ZFAND3: variants seen among roughly 807,000 people sequenced by gnomAD.
ZFAND3 encodes the protein AN1-type zinc finger protein 3.
Under a neutral mutation model 29.6 loss-of-function variants are expected in ZFAND3, and 10 were observed. The ratio of observed to expected loss-of-function variants is 0.34; its 90% CI spans 0.21 to 0.57. The LOEUF (loss-of-function observed/expected upper bound fraction) is 0.57. ZFAND3 is among the 20% of genes least tolerant of loss of function. The pLI is 0.86. For synonymous variants in ZFAND3, 128 were observed against 112.6 expected, an observed-to-expected ratio of 1.14 and a Z score of -0.87; for missense variants, 230 against 304.5, an observed-to-expected ratio of 0.76 and a Z score of 1.82.
chr6:37,955,435 G>A (rs751741216), intron 2 of ZFAND3, among the ~76,000 whole-genome samples: 9 of 152,112 alleles, frequency 5.9e-5, no homozygotes, highest in Non-Finnish European at 1.2e-4. Flanking sequence ...GTTTACATTG[G>A]CCTTTAGTGA....
chr6:38,085,458 A>G (rs1764739030), intron 4 of ZFAND3, among the ~76,000 whole-genome samples: 1 of 152,240 alleles, frequency 6.6e-6, no homozygotes, highest in Non-Finnish European at 1.5e-5. Flanking sequence ...TCTTTAAGTC[A>G]GCCGTCTCTG....
chr6:37,875,860 G>T (rs957115902), intron 1 of ZFAND3, among the ~76,000 whole-genome samples: 2 of 150,518 alleles, frequency 1.3e-5, no homozygotes, highest in Admixed American at 1.3e-4. Flanking sequence ...TGGTAAAGAT[G>T]AAATCTTACT....
At chr6:38,058,915 G>A (rs937914751) in intron 2 of ZFAND3, among the ~76,000 whole-genome samples, 1 of 152,150 alleles carries the variant, frequency 6.6e-6, no homozygotes, top group Middle Eastern at 3.2e-3. Flanking sequence ...CATCATAAAT[G>A]CTAGCTATTC....
chr6:37,932,906 T>C (rs941031099), intron 2 of ZFAND3, among the ~76,000 whole-genome samples: 9 of 152,248 alleles, frequency 5.9e-5, no homozygotes, highest in African/African-American at 1.9e-4. Flanking sequence ...ACACTACTGC[T>C]TTCTCCAGTT....
At chr6:37,971,613 C>G (rs901847908) in intron 2 of ZFAND3, among the ~76,000 whole-genome samples, 46 of 152,192 alleles carry the variant, frequency 3.0e-4, no homozygotes, top group African/African-American at 1.1e-3. Flanking sequence ...CATATTTTTT[C>G]TCTGCCTTAA....
intron 5 of ZFAND3, among the ~76,000 whole-genome samples, chr6:38,150,855 C>T (rs1031247999): frequency 6.6e-6 from 1 of 152,106 alleles, no homozygotes; most frequent in African/African-American, 2.4e-5. Context: ...GATGCCTGCT[C>T]CAGACAGGGA....
chr6:37,975,010 G>C (rs1039702540), intron 2 of ZFAND3, among the ~76,000 whole-genome samples: 1 of 152,180 alleles, frequency 6.6e-6, no homozygotes, highest in African/African-American at 2.4e-5. Flanking sequence ...GCCTGCAAAT[G>C]AAATGGCTGA....
chr6:38,148,663 T>A, intron 5 of ZFAND3, among the ~76,000 whole-genome samples: 1 of 152,180 alleles, frequency 6.6e-6, no homozygotes, highest in East Asian at 1.9e-4. Context: ...TGTAGTGGTT[T>A]CTGGAAACAG....
intron 1 of ZFAND3, among the ~76,000 whole-genome samples, chr6:37,910,452 A>G (rs1765499196): frequency 6.6e-6 from 1 of 152,194 alleles, no homozygotes; most frequent in Non-Finnish European, 1.5e-5. Context: ...CTAGATTTAA[A>G]AAAAATATTT....
intron 2 of ZFAND3, among the ~76,000 whole-genome samples, chr6:37,934,008 C>T (rs1330795480): frequency 6.6e-6 from 1 of 151,628 alleles, no homozygotes; most frequent in African/African-American, 2.4e-5. Flanking sequence ...CCGCCTCAGC[C>T]TCCCAAGTAG....
intron 1 of ZFAND3, among the ~76,000 whole-genome samples, chr6:37,918,097 T>G (rs1317244707): frequency 6.6e-6 from 1 of 152,040 alleles, no homozygotes; most frequent in South Asian, 2.1e-4. Flanking sequence ...GTTTTTTTGA[T>G]ATGGAGTCTC....
At chr6:37,991,652 T>A (rs1185367160) in intron 2 of ZFAND3, among the ~76,000 whole-genome samples, 1 of 152,170 alleles carries the variant, frequency 6.6e-6, no homozygotes, top group Non-Finnish European at 1.5e-5. Flanking sequence ...AACAGGGAAA[T>A]TTCACTTGCC....
At chr6:38,100,169 T>C (rs1375259729) in intron 4 of ZFAND3, among the ~76,000 whole-genome samples, 1 of 152,180 alleles carries the variant, frequency 6.6e-6, no homozygotes, top group Non-Finnish European at 1.5e-5. Context: ...GTTCAAGTGA[T>C]GCTTCTGCCT....
chr6:37,935,671 A>G (rs1761685706), intron 2 of ZFAND3, among the ~76,000 whole-genome samples: 1 of 152,246 alleles, frequency 6.6e-6, no homozygotes, highest in South Asian at 2.1e-4. Context: ...ATGGGTTATA[A>G]TGTAAATATG....
chr6:37,879,789 C>A (rs1363563548), intron 1 of ZFAND3, among the ~76,000 whole-genome samples: 1 of 152,138 alleles, frequency 6.6e-6, no homozygotes, highest in Non-Finnish European at 1.5e-5. Flanking sequence ...ACACTTGAAA[C>A]CAGATATATC....
At chr6:37,862,911 G>GTT (rs765480016) in intron 1 of ZFAND3, among the ~76,000 whole-genome samples, 2 of 146,592 alleles carry the variant, frequency 1.4e-5, no homozygotes, top group African/African-American at 5.0e-5. Flanking sequence ...ATTTGTTAAC[G>GTT]TTTTTTTTTT....
At chr6:37,904,200 G>A (rs1459888427) in intron 1 of ZFAND3, among the ~76,000 whole-genome samples, 1 of 152,166 alleles carries the variant, frequency 6.6e-6, no homozygotes, top group Non-Finnish European at 1.5e-5. Context: ...GCCTATGTGG[G>A]TGTATACAGT....
chr6:37,934,044 C>A (rs532549511), intron 2 of ZFAND3, among the ~76,000 whole-genome samples: 12 of 151,708 alleles, frequency 7.9e-5, no homozygotes, highest in Non-Finnish European at 1.6e-4. Flanking sequence ...TGCGCCACCA[C>A]GCCTGGCTAA....
At chr6:38,026,787 C>CAGAGAGAG (rs71907088) in intron 2 of ZFAND3, among the ~76,000 whole-genome samples, 262 of 149,020 alleles carry the variant, frequency 1.8e-3, no homozygotes, top group Middle Eastern at 3.4e-3. Context: ...TTTTAATAAC[C>CAGAGAGAG]AGAGAGAGAG....
Sources: allele counts gnomAD v4.1 joint callset (sites outside exome capture counted in the v4.1 genomes callset), GRCh38; gene constraint gnomAD v4.1.1; transcripts MANE v1.5; gene names NCBI Gene and HGNC (gene_info 2026-07-23, HGNC 2026-07-21).